The following ERC2 variants were observed in gnomAD, a reference collection of about 807,000 sequenced individuals.
ERC2 encodes the protein ERC protein 2.
Under a neutral mutation model 114.8 loss-of-function variants are expected in ERC2, and 42 were observed. The ratio of observed to expected loss-of-function variants is 0.37; its 90% CI spans 0.29 to 0.47. The LOEUF (loss-of-function observed/expected upper bound fraction) is 0.47, where lower values mean the gene tolerates loss of function less well. Ranked by LOEUF, ERC2 falls within the 20% of genes least tolerant of loss-of-function variation. The probability of loss-of-function intolerance (pLI) is 0.99; values close to 1 mark genes in which losing one functional copy is unlikely to be tolerated. For missense variants in ERC2, 939 were observed against 1,150.7 expected, an observed-to-expected ratio of 0.82 and a Z score of 2.66; for synonymous variants, 454 against 425.5, an observed-to-expected ratio of 1.07 and a Z score of -0.82.
chr3:55,842,701 A>G (rs528280768), intron 14 of ERC2, among the ~76,000 whole-genome samples: 2 of 150,388 alleles, frequency 1.3e-5, no homozygotes, highest in South Asian at 2.1e-4. Context: ...AAATTAACAC[A>G]TAGACTCAGT....
chr3:56,458,626 T>C (rs574050028), intron 1 of ERC2, among the ~76,000 whole-genome samples: 10 of 152,166 alleles, frequency 6.6e-5, no homozygotes, highest in Non-Finnish European at 1.3e-4. Flanking sequence ...ACAGGACCTA[T>C]TTTCAACAAG....
chr3:56,048,473 A>G (rs2075591151), intron 7 of ERC2, among the ~76,000 whole-genome samples: 1 of 152,164 alleles, frequency 6.6e-6, no homozygotes, highest in South Asian at 2.1e-4. Flanking sequence ...TCTAATGTGA[A>G]TTGGCCAATA....
At chr3:55,773,908 A>G (rs149496035) in intron 14 of ERC2, among the ~76,000 whole-genome samples, 166 of 152,332 alleles carry the variant, frequency 1.1e-3, no homozygotes, top group African/African-American at 3.8e-3. Flanking sequence ...TTTTGTGTAT[A>G]TACTTATCCA....
chr3:55,674,970 C>T (rs1398826691), intron 17 of ERC2, among the ~76,000 whole-genome samples: 1 of 152,184 alleles, frequency 6.6e-6, no homozygotes, highest in Admixed American at 6.5e-5. Flanking sequence ...TATAAAGGCT[C>T]AGCATCTCAG....
At chr3:55,711,094 A>G (rs1278190839) in intron 15 of ERC2, among the ~76,000 whole-genome samples, 1 of 152,206 alleles carries the variant, frequency 6.6e-6, no homozygotes, top group Non-Finnish European at 1.5e-5. Flanking sequence ...GTACTATGGT[A>G]TTAATTTCCA....
chr3:56,318,094 A>G (rs973285552), intron 2 of ERC2, among the ~76,000 whole-genome samples: 3 of 152,152 alleles, frequency 2.0e-5, no homozygotes, highest in African/African-American at 7.2e-5. Context: ...ATGTTTTTTG[A>G]GTGGATGATT....
chr3:56,413,219 C>T (rs1287295301), intron 2 of ERC2, among the ~76,000 whole-genome samples: 6 of 152,234 alleles, frequency 3.9e-5, no homozygotes, highest in African/African-American at 1.4e-4. Context: ...CTTTCATGCT[C>T]TGGCATGGTG....
rs58861980 is a variant in ERC2, at chr3:56,196,493, CTT to C, written c.1075-22975_1075-22974del. ...ACAGGACAGATGACTTTCTTGCCTT[CTT>C]TTTTTTTTTTTTTTTTTTAGCATAT... On this transcript the variant is annotated intron_variant, in intron 3 of 17. Coordinates refer to ENST00000288221, the MANE Select transcript of ERC2 (RefSeq NM_015576.3). Among the ~76,000 whole-genome samples, 435 of 120,654 alleles carry C rather than the reference CTT, an allele frequency of 3.6e-3. 2 individuals are homozygous for C. Among genetic ancestry groups the C allele is most frequent in the South Asian group, 0.021 (73 of 3,518 alleles). The allele number at this position is 120,654 out of a possible 152,430, so 79.2% of individuals were successfully genotyped here. A position where few individuals can be genotyped will look rare whatever the true frequency, so the allele number is the denominator to read the frequency against.
At chr3:55,550,933 G>A (rs530261880) in intron 17 of ERC2, among the ~76,000 whole-genome samples, 3 of 150,504 alleles carry the variant, frequency 2.0e-5, no homozygotes, top group Non-Finnish European at 3.0e-5. Flanking sequence ...GAAGAATGGC[G>A]TGAACCTGGG....
At chr3:55,827,560 G>C (rs1007707652) in intron 14 of ERC2, among the ~76,000 whole-genome samples, 1 of 152,088 alleles carries the variant, frequency 6.6e-6, no homozygotes, top group African/African-American at 2.4e-5. Context: ...TGCACATGTG[G>C]GTAAAGATGT....
At chr3:56,311,357 T>G (rs975671518) in intron 2 of ERC2, among the ~76,000 whole-genome samples, 1 of 144,286 alleles carries the variant, frequency 6.9e-6, no homozygotes, top group East Asian at 2.0e-4. Flanking sequence ...TGGAGTGCAG[T>G]GGCGCAATCT....
intron 3 of ERC2, among the ~76,000 whole-genome samples, chr3:56,262,194 G>C (rs1201759975): frequency 6.6e-6 from 1 of 152,114 alleles, no homozygotes. Context: ...GACTATGTTT[G>C]GAATTGCTAC....
At chr3:56,172,600 G>C (rs764598795) in intron 4 of ERC2, among the ~76,000 whole-genome samples, 2 of 152,160 alleles carry the variant, frequency 1.3e-5, no homozygotes, top group Admixed American at 1.3e-4. Flanking sequence ...ACACTTGAGC[G>C]TGGAATTTTC....
At chr3:56,315,549 A>G (rs1376644014) in intron 2 of ERC2, among the ~76,000 whole-genome samples, 4 of 152,154 alleles carry the variant, frequency 2.6e-5, no homozygotes, top group Non-Finnish European at 5.9e-5. Context: ...TAAAACGAAG[A>G]CTCAGAAACC....
At chr3:56,163,970 A>T (rs2316479) in intron 4 of ERC2, among the ~76,000 whole-genome samples, 137,326 of 152,100 alleles carry the variant, frequency 0.9, 62,685 homozygotes, top group East Asian at 1. Flanking sequence ...CTATGGGCTA[A>T]GTACTAAGTG....
chr3:56,093,705 A>G (rs966871833), intron 6 of ERC2, among the ~76,000 whole-genome samples: 2 of 152,154 alleles, frequency 1.3e-5, no homozygotes, highest in Admixed American at 6.6e-5. Context: ...TTGGCTGCAT[A>G]GTTCTATAAG....
intron 14 of ERC2, among the ~76,000 whole-genome samples, chr3:55,800,727 C>T (rs1232465483): frequency 2.0e-5 from 3 of 152,118 alleles, no homozygotes; most frequent in African/African-American, 7.2e-5. Context: ...CCACTTTTCT[C>T]TCCTTGCTTT....
chr3:56,380,070 T>C (rs192675435), intron 2 of ERC2, among the ~76,000 whole-genome samples: 69 of 152,220 alleles, frequency 4.5e-4, no homozygotes, highest in Non-Finnish European at 2.9e-5. Context: ...CACTCTACTC[T>C]CAATTAGCAA....
chr3:56,192,880 T>A (rs2047877201), intron 3 of ERC2, among the ~76,000 whole-genome samples: 1 of 152,186 alleles, frequency 6.6e-6, no homozygotes. Flanking sequence ...CACATTCATT[T>A]GACAATGGGT....
Sources: gnomAD v4.1 joint callset for allele counts (sites outside exome capture counted in the v4.1 genomes callset) on GRCh38, gnomAD v4.1.1 for gene constraint, MANE v1.5 for transcripts, NCBI Gene and HGNC (gene_info 2026-07-23, HGNC 2026-07-21) for gene names.